Variants in TENT2 observed in about 807,000 individuals in gnomAD.
TENT2 encodes terminal nucleotidyltransferase 2, also known as poly(A) RNA polymerase GLD2.
In TENT2, 44 loss-of-function variants were observed where a neutral mutation model predicts 72.2. The observed-to-expected ratio is 0.61, with a 90% CI of 0.48 to 0.78. The LOEUF is 0.78. Among genes scored for constraint, TENT2 ranks in the 30% least tolerant of loss-of-function variants. The pLI, the probability that TENT2 is intolerant of heterozygous loss-of-function variation, is 0.00. For missense variants in TENT2, 541 were observed against 569.6 expected (o/e 0.95, Z 0.51); for synonymous variants, 212 against 192.5 (o/e 1.10, Z -0.84).
chr5:79,628,266 G>A (rs922678568), intron 4 of TENT2, among the ~76,000 whole-genome samples: 6 of 152,238 alleles, frequency 3.9e-5, no homozygotes, highest in Admixed American at 2.6e-4. Context: ...TTCAGTGTGA[G>A]ATAAAGTGGG....
At chr5:79,632,195 TAGTG>T (rs1330130279) in intron 4 of TENT2, among the ~76,000 whole-genome samples, 2 of 152,202 alleles carry the variant, frequency 1.3e-5, no homozygotes, top group South Asian at 2.1e-4. Flanking sequence ...TTAATAATAA[TAGTG>T]AGTCAGTCAG....
chr5:79,670,006 G>C (rs1811662044), intron 12 of TENT2, among the ~76,000 whole-genome samples: 1 of 151,772 alleles, frequency 6.6e-6, no homozygotes, highest in African/African-American at 2.4e-5. Flanking sequence ...AGGCAGGTGA[G>C]GTCGCGAGTT....
chr5:79,624,651 C>A (rs1767911184), intron 4 of TENT2, among the ~76,000 whole-genome samples: 1 of 152,146 alleles, frequency 6.6e-6, no homozygotes, highest in African/African-American at 2.4e-5. Flanking sequence ...TAAATGAAAT[C>A]ATTCAATATG....
intron 4 of TENT2, among the ~76,000 whole-genome samples, chr5:79,630,025 C>T (rs1218860247): frequency 6.6e-6 from 1 of 152,080 alleles, no homozygotes; most frequent in East Asian, 1.9e-4. Context: ...GTCCCAGCAA[C>T]TCGGGAGGCT....
chr5:79,624,127 A>G (rs1192335153), intron 4 of TENT2, among the ~76,000 whole-genome samples: 1 of 152,158 alleles, frequency 6.6e-6, no homozygotes, highest in Non-Finnish European at 1.5e-5. Flanking sequence ...GGTAATTGAG[A>G]GGGGTTTATA....
intron 12 of TENT2, 126 bp downstream of exon 12, chr5:79,669,154 C>T (rs1173075815): frequency 8.3e-7 from 1 of 1,198,086 alleles, no homozygotes; most frequent in East Asian, 2.5e-5. Context: ...TTGTCACTTC[C>T]AGTGTTGTAA....
At position 79,620,110 on chromosome 5, in the gene TENT2, G is replaced by T. The variant is rs781751674; in HGVS notation, c.227+27G>T. ...TAAGTACTTCTTAATTATTTTAAAA[G>T]AATATTTTTGCATTTCTGAGAACTC... On this transcript the variant is annotated intron_variant, in intron 3 of 14. Coordinates refer to ENST00000453514, the MANE Select transcript of TENT2 (RefSeq NM_001114394.3). The T allele has an allele frequency of 9.6e-6, 14 of 1,465,932 alleles. No individual in the cohort carries two copies. In the Admixed American group the frequency reaches 1.9e-4, roughly 20 times the overall value. 90.8% of individuals were successfully genotyped at this position (1,465,932 alleles called of 1,614,324 possible). A position where few individuals can be genotyped will look rare whatever the true frequency, so the allele number is the denominator to read the frequency against.
Position 79,648,582 on chromosome 5 carries a change from A to G in TENT2, c.822-35A>G, listed in dbSNP as rs545041401. 5.7e-6 allele frequency: 8 copies of G among 1,408,150 alleles called. No individual in the cohort carries two copies. The East Asian group carries it at 1.0e-4, about 18-fold the overall frequency. The allele number at this position is 1,408,150 out of a possible 1,614,324, so 87.2% of individuals were successfully genotyped here. ...AAGGAAGTTTTTTTGTTCTTCAGCT[A>G]AAGTTTATTTATTTATTTATTTTTT... On this transcript the variant is annotated intron_variant, in intron 8 of 14. Coordinates refer to ENST00000453514, the MANE Select transcript of TENT2 (RefSeq NM_001114394.3).
chr5:79,628,805 G>A (rs1006122188), intron 4 of TENT2, among the ~76,000 whole-genome samples: 20 of 152,274 alleles, frequency 1.3e-4, no homozygotes, highest in Non-Finnish European at 1.9e-4. Flanking sequence ...AATAGGGTTG[G>A]AACAGACTAC....
chr5:79,642,896 TC>T lies in TENT2; in HGVS notation c.738del (p.Cys247ValfsTer13). The T allele has an allele frequency of 6.2e-7, 1 of 1,611,918 alleles. No individual in the cohort carries two copies. Among genetic ancestry groups the T allele is most frequent in the Non-Finnish European group, 8.5e-7 (1 of 1,179,110 alleles). ...ATACTCACCTTAGTCCATAAACACT[TC>T]TGTACTAGACTTTGTAAGTCTGACA... The part of the protein sequence containing the change: ...RHILTLVHKH[F>X]CTRLSGYIER... On this transcript the variant is annotated frameshift_variant, in exon 7 of 15. Transcript: ENST00000453514. LOFTEE classifies it high-confidence loss of function.
chr5:79,633,385 A>G (rs1711044080), intron 4 of TENT2, among the ~76,000 whole-genome samples: 2 of 149,160 alleles, frequency 1.3e-5, no homozygotes, highest in South Asian at 4.3e-4. Context: ...GGCAAAAAAA[A>G]TTTACATTGT....
At chr5:79,673,552 G>A (rs1814714486) in intron 12 of TENT2, among the ~76,000 whole-genome samples, 1 of 147,042 alleles carries the variant, frequency 6.8e-6, no homozygotes, top group Admixed American at 6.8e-5. Context: ...AAGAGACTGT[G>A]CTTTCCCTAG....
At chr5:79,635,067 G>A (rs745435419) in intron 4 of TENT2, among the ~76,000 whole-genome samples, 1 of 152,164 alleles carries the variant, frequency 6.6e-6, no homozygotes, top group Non-Finnish European at 1.5e-5. Context: ...TGCATGGTCA[G>A]CTTGTTATTA....
chr5:79,634,173 A>C (rs1254502316), intron 4 of TENT2, among the ~76,000 whole-genome samples: 2 of 149,488 alleles, frequency 1.3e-5, no homozygotes, highest in Non-Finnish European at 3.0e-5. Context: ...AAAAAAAAAA[A>C]CTTTCTGAAT....
chr5:79,641,734 A>G (rs938383899), intron 6 of TENT2, among the ~76,000 whole-genome samples: 1 of 151,578 alleles, frequency 6.6e-6, no homozygotes, highest in Admixed American at 6.6e-5. Flanking sequence ...CTTTAGCAAC[A>G]ATATTGTGTT....
At chr5:79,669,127 T>A in intron 12 of TENT2, 99 bp downstream of exon 12, 1 of 1,390,642 alleles carries the variant, frequency 7.2e-7, no homozygotes, top group African/African-American at 1.4e-5. Flanking sequence ...TGCTACAGAT[T>A]TAGTCAGGAG....
At position 79,685,695 on chromosome 5, in the gene TENT2, C is replaced by T. The variant is rs1825831725; in HGVS notation, c.*422C>T. ...AGATAGTTTGTTGTCAAAGTCTGTT[C>T]TAGTAAAGTGAAGATTCAAGTCAGT... On this transcript the variant is annotated 3_prime_UTR_variant, in exon 15 of 15. Coordinates refer to ENST00000453514, the MANE Select transcript of TENT2 (RefSeq NM_001114394.3). 6.5e-6 allele frequency: 1 copy of T among 154,296 alleles called. No individual in the cohort carries two copies. The highest frequency in any genetic ancestry group is 2.4e-5 in the African/African-American group (1 of 41,450). The allele number at this position is 154,296 out of a possible 1,614,324, so 9.6% of individuals were successfully genotyped here. A position where few individuals can be genotyped will look rare whatever the true frequency, so the allele number is the denominator to read the frequency against.
At chr5:79,649,021 A>G (rs1454754478) in intron 9 of TENT2, 41 bp from the exon 10 acceptor site, 1 of 1,596,522 alleles carries the variant, frequency 6.3e-7, no homozygotes, top group Non-Finnish European at 8.6e-7. Context: ...CAAAGAAACT[A>G]TAACGTCTCT....
At chr5:79,628,737 G>T (rs556080659) in intron 4 of TENT2, among the ~76,000 whole-genome samples, 1 of 152,158 alleles carries the variant, frequency 6.6e-6, no homozygotes, top group Admixed American at 6.5e-5. Context: ...AAACATTTGT[G>T]CTCCTCAGAA....
Sources: gnomAD v4.1 joint callset for allele counts (sites outside exome capture counted in the v4.1 genomes callset) on GRCh38, gnomAD v4.1.1 for gene constraint, MANE v1.5 for transcripts, NCBI Gene and HGNC (gene_info 2026-07-23, HGNC 2026-07-21) for gene names.